TGFA: variants seen among roughly 807,000 people sequenced by gnomAD.
TGFA encodes the protein transforming growth factor alpha.
A neutral mutation model predicts 21.7 loss-of-function variants in TGFA; 12 were observed. The observed-to-expected ratio is 0.55, with a 90% CI of 0.35 to 0.90. The LOEUF (loss-of-function observed/expected upper bound fraction) is 0.90, where lower values mean the gene tolerates loss of function less well. Ranked by LOEUF, TGFA falls within the 40% of genes least tolerant of loss-of-function variation. TGFA has a pLI of 0.01. For missense variants in TGFA, 178 were observed against 210.8 expected (o/e 0.84, Z 0.96); for synonymous variants, 79 against 88.1 (o/e 0.90, Z 0.58).
intron 3 of TGFA, among the ~76,000 whole-genome samples, chr2:70,463,931 A>G (rs548197953): frequency 6.6e-6 from 1 of 152,324 alleles, no homozygotes; most frequent in East Asian, 1.9e-4. Flanking sequence ...CATCATCATC[A>G]TCGTGCTTTG....
intron 3 of TGFA, among the ~76,000 whole-genome samples, chr2:70,462,875 C>T (rs1320853075): frequency 1.3e-5 from 2 of 152,106 alleles, no homozygotes; most frequent in African/African-American, 4.8e-5. Flanking sequence ...GTCTCTGTAG[C>T]CCCGCACTTG....
intron 2 of TGFA, among the ~76,000 whole-genome samples, chr2:70,502,127 G>C (rs1553499272): frequency 1.3e-5 from 2 of 152,142 alleles, no homozygotes; most frequent in Admixed American, 6.5e-5. Flanking sequence ...ATTTATCGAT[G>C]TTCCTCCTGA....
At chr2:70,547,469 G>C (rs1553506077) in intron 1 of TGFA, among the ~76,000 whole-genome samples, 3 of 151,264 alleles carry the variant, frequency 2.0e-5, no homozygotes, top group Non-Finnish European at 4.4e-5. Context: ...CTTAAACCTG[G>C]GAGGCAGAGG....
intron 2 of TGFA, among the ~76,000 whole-genome samples, chr2:70,493,198 C>T (rs2103791375): frequency 6.6e-6 from 1 of 152,316 alleles, no homozygotes; most frequent in South Asian, 2.1e-4. Context: ...CAGTAACTCT[C>T]ACCATTCACA....
chr2:70,525,589 T>A (rs1307678836), intron 1 of TGFA, among the ~76,000 whole-genome samples: 1 of 152,080 alleles, frequency 6.6e-6, no homozygotes, highest in African/African-American at 2.4e-5. Context: ...ATCTCTAAGT[T>A]CTCCTCCTTG....
chr2:70,486,913 G>A (rs782686954), intron 2 of TGFA, among the ~76,000 whole-genome samples: 4 of 152,112 alleles, frequency 2.6e-5, no homozygotes, highest in South Asian at 2.1e-4. Context: ...ACAGAAGCCC[G>A]CCACCACACC....
At chr2:70,506,450 T>G (rs1474752138) in intron 2 of TGFA, among the ~76,000 whole-genome samples, 3 of 152,194 alleles carry the variant, frequency 2.0e-5, no homozygotes, top group Admixed American at 6.5e-5. Flanking sequence ...TGTAAGGGCC[T>G]AGGAATCTGC....
At chr2:70,451,083 AAGTGAGTGAGTG>A (rs146183100) in intron 5 of TGFA, among the ~76,000 whole-genome samples, 1 of 152,102 alleles carries the variant, frequency 6.6e-6, no homozygotes, top group East Asian at 1.9e-4. Context: ...GACTGATTGA[AAGTGAGTGAGTG>A]AGTGAGTGAT....
At chr2:70,492,607 C>T (rs1671467867) in intron 2 of TGFA, among the ~76,000 whole-genome samples, 1 of 152,208 alleles carries the variant, frequency 6.6e-6, no homozygotes, top group African/African-American at 2.4e-5. Flanking sequence ...CAGGCCCAGG[C>T]TTCTGTTTTC....
At chr2:70,504,822 T>C (rs1042758623) in intron 2 of TGFA, among the ~76,000 whole-genome samples, 6 of 152,182 alleles carry the variant, frequency 3.9e-5, no homozygotes, top group Admixed American at 2.6e-4. Context: ...GATGTATGTG[T>C]ATCTGTGTGT....
intron 1 of TGFA, among the ~76,000 whole-genome samples, chr2:70,549,096 G>A (rs1673404900): frequency 6.6e-6 from 1 of 152,112 alleles, no homozygotes; most frequent in South Asian, 2.1e-4. Context: ...CAAGACAACG[G>A]TCAGCTTTTG....
At chr2:70,540,721 A>G (rs62151580) in intron 1 of TGFA, among the ~76,000 whole-genome samples, 18,716 of 152,250 alleles carry the variant, frequency 0.12, 1,461 homozygotes, top group South Asian at 0.28. Flanking sequence ...CACTTTTAGT[A>G]AACCTAAATA....
At chr2:70,472,096 A>G (rs1553493421) in intron 2 of TGFA, among the ~76,000 whole-genome samples, 1 of 152,080 alleles carries the variant, frequency 6.6e-6, no homozygotes, top group Non-Finnish European at 1.5e-5. Flanking sequence ...GAGTGAGGGA[A>G]GGAAAGGCCT....
At chr2:70,471,089 AC>A (rs1670728926) in intron 2 of TGFA, among the ~76,000 whole-genome samples, 1 of 151,286 alleles carries the variant, frequency 6.6e-6, no homozygotes, top group Non-Finnish European at 1.5e-5. Flanking sequence ...CTATTCTGTT[AC>A]GTGCATTCTC....
chr2:70,536,516 G>A (rs1553504403), intron 1 of TGFA, among the ~76,000 whole-genome samples: 1 of 152,056 alleles, frequency 6.6e-6, no homozygotes, highest in African/African-American at 2.4e-5. Flanking sequence ...AGACCACGAT[G>A]GAAATAAACT....
chr2:70,510,970 A>G (rs1443112660), intron 2 of TGFA, among the ~76,000 whole-genome samples: 1 of 147,462 alleles, frequency 6.8e-6, no homozygotes, highest in Non-Finnish European at 1.5e-5. Flanking sequence ...GCAAGATCTC[A>G]TTTCTAAAAA....
Position 70,521,613 on chromosome 2 carries a change from G to GTTTTTTTTTTTTTTTTT in TGFA, c.41-6702_41-6701insAAAAAAAAAAAAAAAAA, listed in dbSNP as rs59567780. On this transcript the variant is annotated intron_variant, in intron 1 of 5. Transcript: ENST00000295400. ...TTGATAGTTTTTTTTGTTGTTGTTT[G>GTTTTTTTTTTTTTTTTT]TTTGTTTTTTTTTTTTTTTTTTTTT... Among the ~76,000 whole-genome samples, 56 of 74,064 alleles carry GTTTTTTTTTTTTTTTTT rather than the reference G, an allele frequency of 7.6e-4. 6 individuals carry two copies. The highest frequency in any genetic ancestry group is 1.2e-3 in the African/African-American group (28 of 23,764). The allele number at this position is 74,064 out of a possible 152,430, so 48.6% of individuals were successfully genotyped here.
intron 1 of TGFA, among the ~76,000 whole-genome samples, chr2:70,541,121 A>G (rs1372712150): frequency 6.6e-6 from 1 of 152,228 alleles, no homozygotes; most frequent in East Asian, 1.9e-4. Flanking sequence ...CATCCATAGA[A>G]AATAATTTTA....
At chr2:70,490,781 A>T (rs551498122) in intron 2 of TGFA, among the ~76,000 whole-genome samples, 58 of 152,328 alleles carry the variant, frequency 3.8e-4, no homozygotes, top group Middle Eastern at 6.8e-3. Flanking sequence ...CCTAGGCAGG[A>T]TGTCAGCTCC....
Sources: gnomAD v4.1 joint callset for allele counts (sites outside exome capture counted in the v4.1 genomes callset) on GRCh38, gnomAD v4.1.1 for gene constraint, MANE v1.5 for transcripts, NCBI Gene and HGNC (gene_info 2026-07-23, HGNC 2026-07-21) for gene names.